CCAR1: variants seen among roughly 807,000 people sequenced by gnomAD.
The protein encoded by CCAR1 is cell division cycle and apoptosis regulator protein 1.
Under a neutral mutation model 163.8 loss-of-function variants are expected in CCAR1, and 78 were observed. The ratio of observed to expected loss-of-function variants is 0.48; its 90% CI spans 0.40 to 0.57. The LOEUF (loss-of-function observed/expected upper bound fraction) is 0.57, where lower values mean the gene tolerates loss of function less well. Ranked by LOEUF, CCAR1 falls within the 20% of genes least tolerant of loss-of-function variation. The probability of loss-of-function intolerance (pLI) is 0.00; values close to 1 mark genes in which losing one functional copy is unlikely to be tolerated. For missense variants in CCAR1, 1,019 were observed against 1,365.2 expected (o/e 0.75, Z 4.00); for synonymous variants, 443 against 460.7 (o/e 0.96, Z 0.49).
Position 68,755,529 on chromosome 10 carries a change from A to C in CCAR1, c.1618A>C (p.Thr540Pro). 3.1e-6 allele frequency: 5 copies of C among 1,612,790 alleles called. No homozygotes were observed. Among genetic ancestry groups the C allele is most frequent in the South Asian group, 1.1e-5 (1 of 90,900 alleles). ...GACAGGCATTGATCTAAGTGTGTGC[A>C]CACAATGGTAAGTACTAATTCATTT... ...ALTGIDLSVC[T>P]QWYRFAEIRY... The change falls in exon 13 of 25, where the codon ACA becomes CCA. Residue 540 changes from threonine (T) to proline (P), a missense_variant. By Grantham distance (38) the Thr-to-Pro change is conservative (BLOSUM62 -1). Around this residue, in one of 4 missense-constraint regions of CCAR1, gnomAD observed 644 missense variants for 904.4 expected, o/e 0.71. Transcript: ENST00000265872.
Position 68,771,353 on chromosome 10 carries a change from GAA to G in CCAR1, c.2447_2448del (p.Glu816GlyfsTer4). On this transcript the variant is annotated frameshift_variant, in exon 18 of 25. Coordinates refer to ENST00000265872, the MANE Select transcript of CCAR1 (RefSeq NM_018237.4). LOFTEE classifies it high-confidence loss of function. Reference sequence around the variant, plus strand: ...AAAAGATGAGAGAAAAGATAAAAAAGAAGAAAGAGATGATGAAACTGATGAAC... The same window carrying G: ...AAAAGATGAGAGAAAAGATAAAAAAGGAAAGAGATGATGAAACTGATGAAC... ...SKKDERKDKK[E>X]ERDDETDEPK... 6.2e-7 allele frequency: 1 copy of G among 1,602,506 alleles called. No homozygotes were observed. Among genetic ancestry groups the G allele is most frequent in the Non-Finnish European group, 8.5e-7 (1 of 1,173,334 alleles).
At chr10:68,757,224 C>G in intron 14 of CCAR1, 70 bp from the exon 15 acceptor site, 1 of 862,074 alleles carries the variant, frequency 1.2e-6, no homozygotes, top group East Asian at 2.6e-5. Context: ...CAGCAACAGA[C>G]TTTTAAAAAT....
chr10:68,772,736 C>T (rs946358225), intron 18 of CCAR1, among the ~76,000 whole-genome samples: 11 of 146,446 alleles, frequency 7.5e-5, no homozygotes, highest in Non-Finnish European at 1.5e-4. Context: ...CCAGTCTGGG[C>T]GACAGAGCCA....
chr10:68,753,046 TAAAG>T (rs1468813669), intron 10 of CCAR1, among the ~76,000 whole-genome samples: 2 of 147,474 alleles, frequency 1.4e-5, no homozygotes, highest in East Asian at 4.0e-4. Context: ...ATACTTCAAA[TAAAG>T]ACATCTCTGC....
intron 8 of CCAR1, among the ~76,000 whole-genome samples, chr10:68,748,836 C>G (rs2056293526): frequency 6.6e-6 from 1 of 152,012 alleles, no homozygotes; most frequent in Admixed American, 6.6e-5. Flanking sequence ...TTCTCAGCCC[C>G]CCTCTAATTT....
chr10:68,736,769 C>A, intron 2 of CCAR1, 107 bp from the exon 3 acceptor site: 1 of 871,306 alleles, frequency 1.1e-6, no homozygotes, highest in Non-Finnish European at 1.8e-6. Context: ...GTGAATAGTG[C>A]TGGAGTGAAC....
chr10:68,787,880 G>T, intron 21 of CCAR1, 47 bp from the exon 22 acceptor site: 1 of 1,531,646 alleles, frequency 6.5e-7, no homozygotes, highest in East Asian at 2.3e-5. Context: ...AGAGAATCAA[G>T]AAATGTATTT....
At chr10:68,735,763 C>G (rs2056101327) in intron 2 of CCAR1, 1 of 152,160 alleles carries the variant, frequency 6.6e-6, no homozygotes, top group South Asian at 2.1e-4. Flanking sequence ...AAGAGTAGAA[C>G]AAGGAGTTCA....
At chr10:68,772,491 C>CA (rs996356627) in intron 18 of CCAR1, among the ~76,000 whole-genome samples, 120 of 134,854 alleles carry the variant, frequency 8.9e-4, no homozygotes, top group Middle Eastern at 3.8e-3. Context: ...TCAAAAAAAA[C>CA]AAAAAAAAAA....
At chr10:68,759,905 G>A (rs2056447216) in intron 15 of CCAR1, among the ~76,000 whole-genome samples, 1 of 152,152 alleles carries the variant, frequency 6.6e-6, no homozygotes, top group Non-Finnish European at 1.5e-5. Flanking sequence ...TGTGATGAGA[G>A]TTCACTGTAG....
chr10:68,721,271 G>A lies in CCAR1; in HGVS notation c.-62G>A. 1 of 178,840 alleles carries A rather than the reference G, an allele frequency of 5.6e-6. No individual in the cohort carries two copies. The highest frequency in any genetic ancestry group is 1.2e-5 in the Non-Finnish European group (1 of 81,992). 11.1% of individuals were successfully genotyped at this position (178,840 alleles called of 1,614,324 possible). On this transcript the variant is annotated 5_prime_UTR_variant, in exon 1 of 25. Coordinates refer to ENST00000265872, the MANE Select transcript of CCAR1 (RefSeq NM_018237.4). ...TTGAAATGGCTTCGATGTTAGCCGGGACCCGACTCAGGTGAAGGTCTGGTC... is the reference window on the plus strand; with the variant it reads ...TTGAAATGGCTTCGATGTTAGCCGGAACCCGACTCAGGTGAAGGTCTGGTC...
At chr10:68,779,297 G>A (rs1288960638) in intron 19 of CCAR1, among the ~76,000 whole-genome samples, 2 of 150,016 alleles carry the variant, frequency 1.3e-5, no homozygotes, top group South Asian at 2.1e-4. Flanking sequence ...TTGCTCTGTC[G>A]CCCAGCCTGG....
chr10:68,727,775 A>AGTCAATC (rs2055969960), intron 2 of CCAR1, among the ~76,000 whole-genome samples: 1 of 152,166 alleles, frequency 6.6e-6, no homozygotes, highest in Admixed American at 6.6e-5. Flanking sequence ...GTCAGTGACC[A>AGTCAATC]GTCAATCAAA....
chr10:68,773,621 G>A (rs918352225), intron 19 of CCAR1, among the ~76,000 whole-genome samples: 10 of 151,878 alleles, frequency 6.6e-5, no homozygotes, highest in African/African-American at 1.9e-4. Context: ...AGCCAAGATC[G>A]TGCCATTGCA....
chr10:68,791,055 G>A (rs1299447914), intron 24 of CCAR1, 152 bp from the exon 25 acceptor site: 5 of 431,606 alleles, frequency 1.2e-5, no homozygotes, highest in African/African-American at 2.1e-5. Context: ...TAAATGCTTC[G>A]TCACCATTAA....
chr10:68,735,037 G>A (rs1006967989), intron 2 of CCAR1, among the ~76,000 whole-genome samples: 3 of 152,086 alleles, frequency 2.0e-5, no homozygotes, highest in African/African-American at 7.2e-5. Flanking sequence ...TCTCAGTACA[G>A]TAGTGTACAC....
chr10:68,729,929 TTTTTA>T (rs2056012001), intron 2 of CCAR1, among the ~76,000 whole-genome samples: 2 of 152,122 alleles, frequency 1.3e-5, no homozygotes, highest in Admixed American at 1.3e-4. Flanking sequence ...TCACTTTTTT[TTTTTA>T]TTGAGATGGA....
At chr10:68,787,058 C>G (rs542650596) in intron 21 of CCAR1, 3 of 169,838 alleles carry the variant, frequency 1.8e-5, no homozygotes, top group Non-Finnish European at 3.7e-5. Flanking sequence ...GCACTCCAGC[C>G]TGGGTGACAG....
intron 6 of CCAR1, among the ~76,000 whole-genome samples, chr10:68,743,134 A>G (rs184844815): frequency 1.2e-3 from 183 of 151,260 alleles, no homozygotes; most frequent in South Asian, 2.7e-3. Flanking sequence ...GAGTGTCACC[A>G]TGTTGGGCAG....
Sources: gnomAD v4.1 joint callset for allele counts (sites outside exome capture counted in the v4.1 genomes callset) on GRCh38, gnomAD v4.1.1 for gene constraint, gnomAD v4.1.1 regional missense constraint, MANE v1.5 for transcripts, NCBI Gene and HGNC (gene_info 2026-07-23, HGNC 2026-07-21) for gene names.